BTK: variants seen among roughly 807,000 people sequenced by gnomAD.
The protein encoded by BTK is Bruton tyrosine kinase.
Under a neutral mutation model 57.4 loss-of-function variants are expected in BTK, and 5 were observed. The observed-to-expected ratio is 0.09, with a 90% CI of 0.05 to 0.18. The LOEUF (loss-of-function observed/expected upper bound fraction) is 0.18. Among genes scored for constraint, BTK ranks in the 10% least tolerant of loss-of-function variants. The pLI is 1.00. For missense variants in BTK, 194 were observed against 501.2 expected (o/e 0.39, Z 5.85); for synonymous variants, 154 against 174.3 (o/e 0.88, Z 0.92).
intron 18 of BTK, 135 bp from the exon 19 acceptor site, chrX:101,350,091 A>T: frequency 4.1e-6 from 1 of 243,558 alleles, no homozygotes; most frequent in Non-Finnish European, 7.6e-6. Context: ...TACAAAAGGA[A>T]AAAAAAAAAA....
chrX:101,354,153 G>T (rs1323371830), intron 16 of BTK, 165 bp from the exon 17 acceptor site: 2 of 472,764 alleles, frequency 4.2e-6, no homozygotes, highest in Admixed American at 6.8e-5. Flanking sequence ...CGAATTTCCT[G>T]TTTTTGTATC....
At chrX:101,366,912 G>C (rs1248310946) in intron 5 of BTK, among the ~76,000 whole-genome samples, 1 of 112,408 alleles carries the variant, frequency 8.9e-6, no homozygotes, top group East Asian at 2.8e-4. Context: ...CTTAAAAGCA[G>C]CACATAATCA....
upstream of BTK, among the ~76,000 whole-genome samples, chrX:101,386,705 C>T (rs781920604): frequency 8.1e-5 from 9 of 111,422 alleles, no homozygotes; most frequent in South Asian, 1.1e-3. Context: ...AAGACTTCCC[C>T]GTGCTGAGTC....
chrX:101,372,669 G>A (rs1209880386), intron 3 of BTK, among the ~76,000 whole-genome samples: 2 of 108,137 alleles, frequency 1.8e-5, no homozygotes, highest in African/African-American at 3.3e-5. Flanking sequence ...GGCTGGTCTC[G>A]AACTCCTGCT....
rs200337868 is a variant in BTK at position 101,360,767 on chromosome X, G to A, written c.589-12C>T. ...GGCTTTTTCAAGATCTATGTAGTTA[G>A]GAGAAAAGGTAGGAGGGTTTGTCAA... On this transcript the variant is annotated splice_polypyrimidine_tract_variant and intron_variant, in intron 7 of 18. Coordinates refer to ENST00000308731, the MANE Select transcript of BTK (RefSeq NM_000061.3). 1.7e-6 allele frequency: 2 copies of A among 1,203,931 alleles called. No homozygotes were observed. The highest frequency in any genetic ancestry group is 2.2e-5 in the Admixed American group (1 of 45,529).
rs199950975 is a variant in BTK, at chrX:101,353,928, G to A, written c.1692C>T (p.Ser564=). The change falls in exon 17 of 19, where the codon TCC becomes TCT. Residue 564 remains serine (S), a synonymous_variant. Coordinates refer to ENST00000308731, the MANE Select transcript of BTK (RefSeq NM_000061.3). ...SVGSKFPVRW[S]PPEVLMYSKF... The stretch of plus-strand genomic sequence containing the variant: ...TGCTATACATCAGGACTTCCGGTGG[G>A]GACCACCGGACTGGAAATTTGGAGC... 10 of 1,209,367 alleles carry A rather than the reference G, an allele frequency of 8.3e-6. No homozygotes were observed. Among genetic ancestry groups the A allele is most frequent in the Non-Finnish European group, 1.1e-5 (10 of 894,388 alleles).
intron 1 of BTK, chrX:101,377,942 C>T (rs988028274): frequency 3.6e-5 from 4 of 111,828 alleles, no homozygotes; most frequent in African/African-American, 9.7e-5. Flanking sequence ...TCCTTAGGTG[C>T]CACTGGTCCA....
At chrX:101,367,461 C>T (rs970537741) in intron 5 of BTK, among the ~76,000 whole-genome samples, 1 of 106,503 alleles carries the variant, frequency 9.4e-6, no homozygotes, top group East Asian at 3.0e-4. Context: ...CATGGTGAAA[C>T]CCTGTCGCTA....
At chrX:101,357,325 A>G (rs936447797) in intron 13 of BTK, among the ~76,000 whole-genome samples, 184 bp downstream of exon 13, 1 of 112,074 alleles carries the variant, frequency 8.9e-6, no homozygotes. Flanking sequence ...ATGTTTTTGC[A>G]GTCCCAGTCG....
chrX:101,388,739 G>A (rs1388869392), upstream of BTK, among the ~76,000 whole-genome samples: 6 of 111,962 alleles, frequency 5.4e-5, no homozygotes, highest in African/African-American at 2.0e-4. Flanking sequence ...AAATGGTTCA[G>A]GGGTTTTTGC....
intron 2 of BTK, 23 bp downstream of exon 2, chrX:101,375,120 AG>A: frequency 8.3e-7 from 1 of 1,210,118 alleles, no homozygotes; most frequent in Non-Finnish European, 1.1e-6. Flanking sequence ...CTTGAAACTC[AG>A]TTTTCATAGT....
chrX:101,390,375 C>A, upstream of BTK: 2 of 470,896 alleles, frequency 4.2e-6, no homozygotes, highest in Non-Finnish European at 7.6e-6. Flanking sequence ...TGCTGACTTA[C>A]TCCCTCAACA....
chrX:101,371,069 C>T (rs1290803243), intron 4 of BTK, among the ~76,000 whole-genome samples: 3 of 112,204 alleles, frequency 2.7e-5, no homozygotes, highest in Non-Finnish European at 3.8e-5. Context: ...GCAGAGGCTG[C>T]TATATTCACG....
intron 3 of BTK, among the ~76,000 whole-genome samples, chrX:101,372,714 GGATTACAGGCGTGA>G (rs1319212090): frequency 1.6e-4 from 17 of 108,448 alleles, no homozygotes; most frequent in African/African-American, 5.7e-4. Flanking sequence ...CAAAGTGCTG[GGATTACAGGCGTGA>G]GCCACCACGC....
intron 5 of BTK, 62 bp from the exon 6 acceptor site, chrX:101,362,751 T>C: frequency 8.3e-7 from 1 of 1,204,487 alleles, no homozygotes; most frequent in Non-Finnish European, 1.1e-6. Context: ...CATTTGCATG[T>C]TTTCCTCTTT....
rs1555977936 is a variant in BTK at position 101,356,960 on chromosome X, C to T, written c.1178-5G>A. 1 of 1,209,143 alleles carries T rather than the reference C, an allele frequency of 8.3e-7. No individual in the cohort carries two copies. On this transcript the variant is annotated splice_polypyrimidine_tract_variant and splice_region_variant and intron_variant, in intron 13 of 18. Transcript: ENST00000308731. ...TTGGATCAATTTCCCATGATCCTAA[C>T]AATAAAGTCTTGGTGTGATTCTTTG...
intron 1 of BTK, among the ~76,000 whole-genome samples, chrX:101,385,807 T>A (rs1927591005): frequency 8.9e-6 from 1 of 111,786 alleles, no homozygotes; most frequent in Admixed American, 9.5e-5. Flanking sequence ...TGCTACCTGT[T>A]CGGATGGTCA....
intron 1 of BTK, among the ~76,000 whole-genome samples, chrX:101,375,978 G>T (rs896989114): frequency 2.7e-4 from 10 of 37,060 alleles, no homozygotes; most frequent in Admixed American, 1.9e-3. Flanking sequence ...GGGTTTTGGT[G>T]GGGGGGGGGT....
At chrX:101,363,213 A>C (rs1488035511) in intron 5 of BTK, among the ~76,000 whole-genome samples, 1 of 111,643 alleles carries the variant, frequency 9.0e-6, no homozygotes, top group African/African-American at 3.3e-5. Context: ...TTGCCTCTAG[A>C]ATCAACATGA....
Sources: gnomAD v4.1 joint callset for allele counts (sites outside exome capture counted in the v4.1 genomes callset) on GRCh38, gnomAD v4.1.1 for gene constraint, MANE v1.5 for transcripts, NCBI Gene and HGNC (gene_info 2026-07-23, HGNC 2026-07-21) for gene names.